The following FCAMR variants were observed in gnomAD, a reference collection of about 807,000 sequenced individuals.
The protein encoded by FCAMR is Fc alpha and mu receptor.
FCAMR carries 51 observed loss-of-function variants against 52.2 expected under a neutral mutation model. That is an observed-to-expected ratio of 0.98 (90% CI 0.78 to 1.23). FCAMR has a LOEUF of 1.23. Ranked by LOEUF, FCAMR falls within the 50% of genes most tolerant of loss-of-function variation. FCAMR has a pLI of 0.00. For synonymous variants in FCAMR, 282 were observed against 262.0 expected, an observed-to-expected ratio of 1.08 and a Z score of -0.74; for missense variants, 719 against 712.6, an observed-to-expected ratio of 1.01 and a Z score of -0.10.
chr1:206,960,348 G>A, intron 6 of FCAMR, 74 bp downstream of exon 6: 1 of 1,384,232 alleles, frequency 7.2e-7, no homozygotes, highest in Non-Finnish European at 9.6e-7. Context: ...AGCAGAGGGA[G>A]AGGGGCCTCC....
Position 206,958,679 on chromosome 1 carries a change from G to T in FCAMR, c.1574-3C>A. 1 of 1,614,030 alleles carries T rather than the reference G, an allele frequency of 6.2e-7. No homozygotes were observed. Among genetic ancestry groups the T allele is most frequent in the Non-Finnish European group, 8.5e-7 (1 of 1,180,010 alleles). Reference sequence around the variant, plus strand: ...GGTGACCCTTTCTGCCTCCTGAGCTGCAGAGACACAGAGCAGACTGTGAGG... The same window carrying T: ...GGTGACCCTTTCTGCCTCCTGAGCTTCAGAGACACAGAGCAGACTGTGAGG... On this transcript the variant is annotated splice_polypyrimidine_tract_variant and splice_region_variant and intron_variant, in intron 7 of 7. Transcript: ENST00000324852.
At position 206,968,901 on chromosome 1, in the gene FCAMR, C is replaced by T. The variant is rs865953419; in HGVS notation, c.39+1186G>A. Among the ~76,000 whole-genome samples, 5 of 152,160 alleles carry T rather than the reference C, an allele frequency of 3.3e-5. No individual in the cohort carries two copies. In the South Asian group the frequency reaches 8.3e-4, roughly 25 times the overall value. On this transcript the variant is annotated intron_variant, in intron 1 of 7. Coordinates refer to ENST00000324852, the MANE Select transcript of FCAMR (RefSeq NM_001170631.2). ...CCCTCTCCACTAAGGCCTTTCCCTG[C>T]TCTACCCAGTTTGAGCCCCAAGAAT...
intron 5 of FCAMR, 67 bp downstream of exon 5, chr1:206,962,146 T>TA: frequency 6.6e-7 from 1 of 1,509,936 alleles, no homozygotes; most frequent in Non-Finnish European, 9.1e-7. Context: ...CTCTGAGGCT[T>TA]CTCTCCCACT....
At chr1:206,962,700 A>T (rs1680560320) in intron 4 of FCAMR, 149 bp from the exon 5 acceptor site, 1 of 652,772 alleles carries the variant, frequency 1.5e-6, no homozygotes, top group African/African-American at 1.8e-5. Flanking sequence ...AAAATGGCAG[A>T]ACTCAGCCAT....
At chr1:206,969,719 G>A (rs1680862097) in intron 1 of FCAMR, among the ~76,000 whole-genome samples, 1 of 152,084 alleles carries the variant, frequency 6.6e-6, no homozygotes, top group Non-Finnish European at 1.5e-5. Context: ...CACAGAACCA[G>A]GACTCAGGAG....
intron 5 of FCAMR, among the ~76,000 whole-genome samples, 185 bp downstream of exon 5, chr1:206,962,027 CT>C (rs1003025834): frequency 1.3e-4 from 20 of 152,002 alleles, no homozygotes; most frequent in Non-Finnish European, 2.8e-4. Flanking sequence ...TAAAATCTTC[CT>C]TTTTTTTGAA....
chr1:206,966,429 AG>A (rs1265680073), intron 3 of FCAMR, among the ~76,000 whole-genome samples: 1 of 152,180 alleles, frequency 6.6e-6, no homozygotes, highest in Non-Finnish European at 1.5e-5. Flanking sequence ...TCTATTGCCC[AG>A]GTTGGAGTGC....
chr1:206,962,612 C>T (rs1680557592), intron 4 of FCAMR, 61 bp from the exon 5 acceptor site: 1 of 1,379,062 alleles, frequency 7.3e-7, no homozygotes, highest in Non-Finnish European at 9.6e-7. Flanking sequence ...TGTTTGGGGA[C>T]TCACGAACTC....
chr1:206,965,863 A>C lies in FCAMR; in HGVS notation c.170-5T>G, dbSNP rs1206065697. 6.2e-7 allele frequency: 1 copy of C among 1,608,330 alleles called. No individual in the cohort carries two copies. The highest frequency in any genetic ancestry group is 8.5e-7 in the Non-Finnish European group (1 of 1,177,536). The stretch of plus-strand genomic sequence containing the variant: ...GTGGAAGGGCGAAAGAAGAACCTGC[A>C]GCAAAGGAAGGAGATGGGTCATCAG... On this transcript the variant is annotated splice_region_variant and splice_polypyrimidine_tract_variant and intron_variant, in intron 3 of 7. Transcript: ENST00000324852.
intron 6 of FCAMR, chr1:206,960,156 A>G (rs1168827353): frequency 1.9e-6 from 1 of 514,840 alleles, no homozygotes; most frequent in Non-Finnish European, 3.4e-6. Flanking sequence ...CCTATTCTTT[A>G]TCTTTAAAAA....
intron 1 of FCAMR, among the ~76,000 whole-genome samples, chr1:206,968,423 T>TA (rs1201728369): frequency 3.3e-5 from 5 of 152,272 alleles, no homozygotes; most frequent in African/African-American, 1.2e-4. Context: ...TTTGATGGAT[T>TA]AAAAATCTAC....
intron 5 of FCAMR, 135 bp from the exon 6 acceptor site, chr1:206,961,358 G>A (rs1219274828): frequency 3.0e-6 from 2 of 670,292 alleles, no homozygotes; most frequent in African/African-American, 3.6e-5. Flanking sequence ...TGACCAATAG[G>A]TTGGATAAAA....
Position 206,958,674 on chromosome 1 carries a change from G to A in FCAMR, c.1576C>T (p.Gln526Ter). ...ATTAAGGTGACCCTTTCTGCCTCCT[G>A]AGCTGCAGAGACACAGAGCAGACTG... ...QRKLWRRRTS[Q>*]EAERVTLIQM... Residue 526 changes from glutamine to a stop codon, truncating the protein, a stop_gained and splice_region_variant, in exon 8 of 8, where the codon CAG becomes TAG. Transcript: ENST00000324852. LOFTEE classifies it low-confidence loss of function (END_TRUNC). The A allele has an allele frequency of 1.9e-6, 3 of 1,614,030 alleles. No individual in the cohort carries two copies. The highest frequency in any genetic ancestry group is 2.5e-6 in the Non-Finnish European group (3 of 1,180,022).
In FCAMR at chr1:206,960,992, CCTGT is replaced by C; in HGVS notation, c.880_883del (p.Thr294AlafsTer40). ...TTTGACAGAACCCTCTGCCCAGCTG[CCTGT>C]CCCTGGAGCTGCTGGCCTGGTTGCT... On this transcript the variant is annotated frameshift_variant, in exon 6 of 8. Coordinates refer to ENST00000324852, the MANE Select transcript of FCAMR (RefSeq NM_001170631.2). LOFTEE classifies it high-confidence loss of function. 6.4e-7 allele frequency: 1 copy of C among 1,551,910 alleles called. No individual in the cohort carries two copies. Among genetic ancestry groups the C allele is most frequent in the East Asian group, 2.4e-5 (1 of 40,928 alleles).
At position 206,967,121 on chromosome 1, in the gene FCAMR, A is replaced by G. The variant is rs760057693; in HGVS notation, c.109-9T>C. On this transcript the variant is annotated splice_polypyrimidine_tract_variant and intron_variant, in intron 2 of 7. Transcript: ENST00000324852. ...GCCCTCCTGCTGGTGACCTGCAAAAAACACTCTAAATGAAAAGAGGCCTGA... is the reference window on the plus strand; with the variant it reads ...GCCCTCCTGCTGGTGACCTGCAAAAGACACTCTAAATGAAAAGAGGCCTGA... The G allele has an allele frequency of 4.3e-6, 7 of 1,613,632 alleles. 1 individual carries two copies. The South Asian group carries it at 7.7e-5, about 18-fold the overall frequency.
intron 1 of FCAMR, among the ~76,000 whole-genome samples, chr1:206,968,006 A>T (rs893262923): frequency 3.3e-5 from 5 of 152,222 alleles, no homozygotes; most frequent in African/African-American, 1.2e-4. Flanking sequence ...CACCATACTG[A>T]TCACTACACA....
chr1:206,963,356 A>G (rs892401956), intron 4 of FCAMR, among the ~76,000 whole-genome samples: 4 of 152,172 alleles, frequency 2.6e-5, no homozygotes, highest in Non-Finnish European at 5.9e-5. Flanking sequence ...AGCTTCCTGG[A>G]TGACTTAAAT....
At chr1:206,967,142 CCTGAGAGAAG>C (rs1680747386) in intron 2 of FCAMR, 30 bp from the exon 3 acceptor site, 1 of 1,610,706 alleles carries the variant, frequency 6.2e-7, no homozygotes, top group Admixed American at 1.7e-5. Flanking sequence ...TGAAAAGAGG[CCTGAGAGAAG>C]CTGGGTGAGG....
In FCAMR at chr1:206,958,694, A is replaced by G. The variant is rs1680361202; in HGVS notation, c.1574-18T>C. 6.2e-7 allele frequency: 1 copy of G among 1,613,928 alleles called. No homozygotes were observed. Among genetic ancestry groups the G allele is most frequent in the Non-Finnish European group, 8.5e-7 (1 of 1,180,020 alleles). ...CTCCTGAGCTGCAGAGACACAGAGC[A>G]GACTGTGAGGGTTCTGGGTAAGGAC... On this transcript the variant is annotated intron_variant, in intron 7 of 7. Coordinates refer to ENST00000324852, the MANE Select transcript of FCAMR (RefSeq NM_001170631.2).
Sources: gnomAD v4.1 joint callset for allele counts (sites outside exome capture counted in the v4.1 genomes callset) on GRCh38, gnomAD v4.1.1 for gene constraint, MANE v1.5 for transcripts, NCBI Gene and HGNC (gene_info 2026-07-23, HGNC 2026-07-21) for gene names.